CDHR4: variants seen among roughly 807,000 people sequenced by gnomAD.
CDHR4 encodes the protein cadherin related family member 4, also known as cadherin-related family member 4.
In CDHR4, 89 loss-of-function variants were observed where a neutral mutation model predicts 88.4. The ratio of observed to expected loss-of-function variants is 1.01; its 90% confidence interval spans 0.85 to 1.20. The LOEUF is 1.20. Among genes scored for constraint, CDHR4 ranks in the 50% most tolerant of loss-of-function variants. The pLI, the probability that CDHR4 is intolerant of heterozygous loss-of-function variation, is 0.00. For synonymous variants in CDHR4, 368 were observed against 399.2 expected (o/e 0.92, Z 0.93); for missense variants, 914 against 1,007.2 (o/e 0.91, Z 1.25).
rs1472117499 is a variant in CDHR4, at chr3:49,794,598, G to A, written c.1279+10C>T. On this transcript the variant is annotated intron_variant, in intron 10 of 18. Transcript: ENST00000412678. ...TGTCCTGGGTGTCCAGGCCGGGTGT[G>A]GTCACTCACTGGTCATCTGGGGCTG... The A allele has an allele frequency of 2.6e-6, 4 of 1,547,768 alleles. No individual in the cohort carries two copies. The highest frequency in any genetic ancestry group is 3.5e-6 in the Non-Finnish European group (4 of 1,144,926).
chr3:49,793,257 A>G lies in CDHR4; in HGVS notation c.1678T>C (p.Tyr560His), dbSNP rs2081210582. ...TCCACGCTACGGCCCAGAGGAGCAT[A>G]GATGGTGAGTTCCTGAAATGGGGGC... ...CEPPFQELTIYAPLGRSVEVT... is the reference protein window; with the variant it reads ...CEPPFQELTIHAPLGRSVEVT... Residue 560 changes from tyrosine (Y) to histidine (H), a missense_variant, in exon 13 of 19, where the codon TAT becomes CAT. By Grantham distance (83) the Tyr-to-His change is moderately conservative (BLOSUM62 2). Transcript: ENST00000412678. 4 of 1,551,580 alleles carry G rather than the reference A, an allele frequency of 2.6e-6. No homozygotes were observed. The Admixed American group carries it at 5.9e-5, about 23-fold the overall frequency.
chr3:49,792,588 A>T lies in CDHR4; in HGVS notation c.2018T>A (p.Met673Lys). ...RTTVPSTMTPMLVTDTEAFWQ... is the reference protein window; with the variant it reads ...RTTVPSTMTPKLVTDTEAFWQ... ...GAAAGCCTCTGTGTCTGTCACGAGC[A>T]TGGGTGTCATCGTTGAGGGCACCTG... The change falls in exon 15 of 19, where the codon ATG becomes AAG. Residue 673 changes from methionine (M) to lysine (K), a missense_variant. By Grantham distance (95) the Met-to-Lys change is moderately conservative (BLOSUM62 -1). Transcript: ENST00000412678. The T allele has an allele frequency of 6.4e-7, 1 of 1,551,676 alleles. No homozygotes were observed. Among genetic ancestry groups the T allele is most frequent in the Non-Finnish European group, 8.7e-7 (1 of 1,146,972 alleles).
chr3:49,799,146 C>T lies in CDHR4; in HGVS notation c.251G>A (p.Ser84Asn). 3 of 1,579,642 alleles carry T rather than the reference C, an allele frequency of 1.9e-6. No individual in the cohort carries two copies. The highest frequency in any genetic ancestry group is 1.2e-5 in the South Asian group (1 of 86,510). The part of the protein sequence containing the change: ...QGTYVGKLTL[S>N]SSAQLDALMV... ...CAGGGCATCCAACTGAGCAGAGCTG[C>T]TCAAGGTCAACTGGGGTGGGTGGAC... The change falls in exon 3 of 19, where the codon AGC becomes AAC. Residue 84 changes from serine (S) to asparagine (N), a missense_variant. Coordinates refer to ENST00000412678, the MANE Select transcript of CDHR4 (RefSeq NM_001007540.4).
upstream of CDHR4, among the ~76,000 whole-genome samples, chr3:49,802,513 C>T (rs150326344): frequency 5.1e-3 from 773 of 152,310 alleles, 5 homozygotes; most frequent in African/African-American, 0.018. Flanking sequence ...GATGTCACCT[C>T]CTGTGAGACT....
chr3:49,791,761 C>T lies in CDHR4; in HGVS notation c.2236G>A (p.Ala746Thr). The change falls in exon 17 of 19, where the codon GCA becomes ACA. Residue 746 changes from alanine to threonine, a missense_variant. Ala to Thr is a moderately conservative substitution (Grantham distance 58). Transcript: ENST00000412678. Reference protein sequence around the residue: ...TEGSIEGFLEAPKMEMSQAPS... With the variant: ...TEGSIEGFLETPKMEMSQAPS... ...GCCTGGGACATCTCCATCTTCGGTG[C>T]CTCCAGGAAACCCTCGATGGATCCC... The T allele has an allele frequency of 3.9e-6, 6 of 1,551,672 alleles. No homozygotes were observed. Among genetic ancestry groups the T allele is most frequent in the Non-Finnish European group, 5.2e-6 (6 of 1,146,974 alleles).
chr3:49,791,725 C>G lies in CDHR4; in HGVS notation c.2272G>C (p.Val758Leu), dbSNP rs1266798095. ...GTGAGCTGACATACCAGACTCATGA[C>G]ACTGCTGGGTGCCTGGGACATCTCC... ...KMEMSQAPSS[V>L]MSLHFDGRAQ... Residue 758 changes from valine to leucine, a missense_variant, in exon 17 of 19, where the codon GTC (valine) becomes CTC (leucine). Val to Leu is a conservative substitution (Grantham distance 32, BLOSUM62 1). Coordinates refer to ENST00000412678, the MANE Select transcript of CDHR4 (RefSeq NM_001007540.4). 4 of 1,551,646 alleles carry G rather than the reference C, an allele frequency of 2.6e-6. No homozygotes were observed. In the Admixed American group the frequency reaches 7.8e-5, roughly 30 times the overall value.
At chr3:49,791,313 G>C (rs1233084546) in intron 18 of CDHR4, 128 bp downstream of exon 18, 2 of 1,069,224 alleles carry the variant, frequency 1.9e-6, no homozygotes, top group Non-Finnish European at 2.7e-6. Flanking sequence ...CCCCATTCAG[G>C]AAAAAAGCAG....
At position 49,795,461 on chromosome 3, in the gene CDHR4, G is replaced by A; in HGVS notation, c.848-82C>T. The A allele has an allele frequency of 6.6e-7, 1 of 1,505,416 alleles. No homozygotes were observed. The highest frequency in any genetic ancestry group is 8.9e-7 in the Non-Finnish European group (1 of 1,121,724). 93.3% of individuals were successfully genotyped at this position (1,505,416 alleles called of 1,614,324 possible). A position where few individuals can be genotyped will look rare whatever the true frequency, so the allele number is the denominator to read the frequency against. ...CGCCTCCCAGCTCAGTCCCACTCCT[G>A]CCAGCCCACCAGATCCATAGGCAAA... is the stretch of plus-strand genomic sequence containing the variant. On this transcript the variant is annotated intron_variant, in intron 7 of 18. Transcript: ENST00000412678. This position sits in a 1 kb window ranked among gnomAD's most constrained non-coding sequence, Gnocchi z 5.4.
intron 4 of CDHR4, among the ~76,000 whole-genome samples, chr3:49,797,959 G>A (rs1191052960): frequency 2.0e-5 from 3 of 147,672 alleles, no homozygotes; most frequent in African/African-American, 7.5e-5. Flanking sequence ...ACCCAGCCTG[G>A]AGCAGTGGCA....
Position 49,793,199 on chromosome 3 carries a change from T to C in CDHR4, c.1736A>G (p.Glu579Gly). 1 of 1,551,634 alleles carries C rather than the reference T, an allele frequency of 6.4e-7. No homozygotes were observed. Among genetic ancestry groups the C allele is most frequent in the Non-Finnish European group, 8.7e-7 (1 of 1,146,964 alleles). ...VTKMSCQIPQ[E>G]PQRLIYSYSI... ...ATAGGAGTAGATCAGGCGCTGTGGC[T>C]CCTGAGGGATCTGGCATGACATCTT... is the stretch of plus-strand genomic sequence containing the variant. The change falls in exon 13 of 19, where the codon GAG becomes GGG. Residue 579 changes from glutamate (E) to glycine (G), a missense_variant. Coordinates refer to ENST00000412678, the MANE Select transcript of CDHR4 (RefSeq NM_001007540.4).
Position 49,799,287 on chromosome 3 carries a change from G to A in CDHR4, c.200C>T (p.Pro67Leu). 6.2e-7 allele frequency: 1 copy of A among 1,613,904 alleles called. No individual in the cohort carries two copies. The highest frequency in any genetic ancestry group is 1.3e-5 in the African/African-American group (1 of 75,064). The change falls in exon 2 of 19, where the codon CCA becomes CTA. Residue 67 changes from proline (P) to leucine (L), a missense_variant. Transcript: ENST00000412678. ...NVQPPTTFFN[P>L]PSLARWQGTY... Reference sequence around the variant, plus strand: ...CCCTTGCCACCTGGCCAAGCTGGGTGGGTTGAAGAAGGTGGTGGGTGGCTG... The same window carrying A: ...CCCTTGCCACCTGGCCAAGCTGGGTAGGTTGAAGAAGGTGGTGGGTGGCTG...
chr3:49,794,837 C>T (rs1439342015), intron 9 of CDHR4, 110 bp downstream of exon 9: 46 of 1,462,518 alleles, frequency 3.1e-5, no homozygotes, highest in East Asian at 1.5e-4. Flanking sequence ...CAGGTTGGCT[C>T]GACAGCCATC....
chr3:49,799,084 A>G lies in CDHR4; in HGVS notation c.313T>C (p.Cys105Arg). 3 of 1,581,064 alleles carry G rather than the reference A, an allele frequency of 1.9e-6. No homozygotes were observed. Among genetic ancestry groups the G allele is most frequent in the African/African-American group, 1.3e-5 (1 of 74,262 alleles). ...NHYKVQLKFT[C>R]GNHVMEGSLS... ...GAGCCCTCCATCACATGGTTGCCAC[A>G]TGTGAACTTCAGCTGCACCTTGTAG... The change falls in exon 3 of 19, where the codon TGT becomes CGT. Residue 105 changes from cysteine (C) to arginine (R), a missense_variant. Cys to Arg is a radical substitution (Grantham distance 180, BLOSUM62 -3). Coordinates refer to ENST00000412678, the MANE Select transcript of CDHR4 (RefSeq NM_001007540.4).
At position 49,795,167 on chromosome 3, in the gene CDHR4, C is replaced by T; in HGVS notation, c.1031+29G>A. ...CCCTGAGTCATGGCTCTGACCCCAG[C>T]AGCCCAAGTATGGTTCCCGGGTACT... On this transcript the variant is annotated intron_variant, in intron 8 of 18. Coordinates refer to ENST00000412678, the MANE Select transcript of CDHR4 (RefSeq NM_001007540.4). This position sits in a 1 kb window ranked among gnomAD's most constrained non-coding sequence, Gnocchi z 5.4. 6.4e-7 allele frequency: 1 copy of T among 1,551,510 alleles called. No homozygotes were observed. Among genetic ancestry groups the T allele is most frequent in the Non-Finnish European group, 8.7e-7 (1 of 1,146,876 alleles).
rs550325059 is a variant in CDHR4, at chr3:49,791,450, G to A, written c.2302C>T (p.Gln768Ter). The A allele has an allele frequency of 6.5e-7, 1 of 1,547,058 alleles. No individual in the cohort carries two copies. The highest frequency in any genetic ancestry group is 2.0e-5 in the Admixed American group (1 of 49,734). Residue 768 changes from glutamine to a stop codon, truncating the protein, a stop_gained, in exon 18 of 19, where the codon CAG becomes TAG. Coordinates refer to ENST00000412678, the MANE Select transcript of CDHR4 (RefSeq NM_001007540.4). LOFTEE classifies it high-confidence loss of function. Reference sequence around the variant, plus strand: ...GAAGAGGGGGACTCACGGGAGTCCTGTGCTCTGCCATCAAAATGCTGCTGA... The same window carrying A: ...GAAGAGGGGGACTCACGGGAGTCCTATGCTCTGCCATCAAAATGCTGCTGA... ...VMSLHFDGRA[Q>*]DSRTGRDYLF...
chr3:49,802,754 A>G (rs1475092704), upstream of CDHR4, among the ~76,000 whole-genome samples: 1 of 152,200 alleles, frequency 6.6e-6, no homozygotes, highest in African/African-American at 2.4e-5. Flanking sequence ...AGTCCCGTCT[A>G]GCTCGGTTGG....
chr3:49,794,882 T>C (rs2081244254), intron 9 of CDHR4, 65 bp downstream of exon 9: 1 of 1,543,410 alleles, frequency 6.5e-7, no homozygotes, highest in African/African-American at 1.4e-5. Context: ...CAGAGACCCT[T>C]GGCCCACCCA....
rs1438368382 is a variant in CDHR4 at position 49,792,611 on chromosome 3, C to A, written c.1996-1G>T. ...GCATGGGTGTCATCGTTGAGGGCAC[C>A]TGAAAAGGAGGCCACAGCCTCACCA... On this transcript the variant is annotated splice_acceptor_variant, in intron 14 of 18. Transcript: ENST00000412678. LOFTEE classifies it high-confidence loss of function. The A allele has an allele frequency of 1.9e-6, 3 of 1,551,596 alleles. No homozygotes were observed. The highest frequency in any genetic ancestry group is 2.6e-6 in the Non-Finnish European group (3 of 1,146,944).
At position 49,795,726 on chromosome 3, in the gene CDHR4, G is replaced by T; in HGVS notation, c.749C>A (p.Ala250Asp). ...AQNITIPENL[A>D]PGSEVVQVQA... is the part of the protein sequence containing the mutation. ...GACCTGAACCACCTCACTACCGGGG[G>T]CCAGATTCTCAGGGATGGTGATATT... The change falls in exon 7 of 19, where the codon GCC becomes GAC. Residue 250 changes from alanine (A) to aspartate (D), a missense_variant. Ala to Asp is a moderately radical substitution (Grantham distance 126, BLOSUM62 -2). Coordinates refer to ENST00000412678, the MANE Select transcript of CDHR4 (RefSeq NM_001007540.4). The surrounding 1 kb of genome is among the most constrained non-coding windows in gnomAD (Gnocchi z 5.4). The T allele has an allele frequency of 6.4e-7, 1 of 1,551,682 alleles. No individual in the cohort carries two copies. Among genetic ancestry groups the T allele is most frequent in the South Asian group, 1.2e-5 (1 of 84,058 alleles).
Sources: gnomAD v4.1 joint callset for allele counts (sites outside exome capture counted in the v4.1 genomes callset) on GRCh38, gnomAD v4.1.1 for gene constraint, Gnocchi (gnomAD v3.1) non-coding constraint, MANE v1.5 for transcripts, NCBI Gene and HGNC (gene_info 2026-07-23, HGNC 2026-07-21) for gene names.